SMG6: variants seen among roughly 807,000 people sequenced by gnomAD.
SMG6 encodes telomerase-binding protein EST1A.
In SMG6, 66 loss-of-function variants were observed where a neutral mutation model predicts 142.2. That is an observed-to-expected ratio of 0.46 (90% CI 0.38 to 0.57). The LOEUF is 0.57. Ranked by LOEUF, SMG6 falls within the 20% of genes least tolerant of loss-of-function variation. The pLI is 0.00. For missense variants in SMG6, 1,793 were observed against 1,832.0 expected, an observed-to-expected ratio of 0.98 and a Z score of 0.39; for synonymous variants, 779 against 702.4, an observed-to-expected ratio of 1.11 and a Z score of -1.72.
rs1391078493 is a variant in SMG6, at chr17:2,068,981, T to G, written c.3682-50A>C. ...GCCAGACAGCGAGCAGGCAAGCAGG[T>G]GGGTGAGCCAGGGCCCTGACACTAC... On this transcript the variant is annotated intron_variant, in intron 15 of 18. Transcript: ENST00000263073. The surrounding 1 kb of genome is among the most constrained non-coding windows in gnomAD (Gnocchi z 6.7). 2 of 1,597,208 alleles carry G rather than the reference T, an allele frequency of 1.3e-6. No individual in the cohort carries two copies. The highest frequency in any genetic ancestry group is 1.7e-6 in the Non-Finnish European group (2 of 1,168,762).
At chr17:2,135,831 A>G (rs1159121322) in intron 13 of SMG6, among the ~76,000 whole-genome samples, 1 of 151,852 alleles carries the variant, frequency 6.6e-6, no homozygotes, top group African/African-American at 2.4e-5. Flanking sequence ...CTGGGACTAC[A>G]GGCGCTACCA....
chr17:2,259,327 G>C (rs2074261600), intron 8 of SMG6, among the ~76,000 whole-genome samples: 1 of 152,102 alleles, frequency 6.6e-6, no homozygotes, highest in Non-Finnish European at 1.5e-5. Context: ...AATAGTATCA[G>C]TAAGAAGAGA....
chr17:2,271,762 A>G (rs1257715858), intron 8 of SMG6, among the ~76,000 whole-genome samples: 2 of 152,160 alleles, frequency 1.3e-5, no homozygotes, highest in Admixed American at 6.5e-5. Flanking sequence ...TTTTTAATTA[A>G]AAAGAAAAAA....
intron 10 of SMG6, among the ~76,000 whole-genome samples, chr17:2,219,224 A>C (rs962761187): frequency 1.3e-5 from 2 of 152,012 alleles, no homozygotes; most frequent in African/African-American, 4.8e-5. Context: ...ATCTCTGCTA[A>C]AAATCCAAAA....
At chr17:2,196,157 A>C (rs1044967605) in intron 10 of SMG6, among the ~76,000 whole-genome samples, 1 of 152,214 alleles carries the variant, frequency 6.6e-6, no homozygotes, top group African/African-American at 2.4e-5. Context: ...ATGGTGACTC[A>C]ACGCCTGTAA....
intron 13 of SMG6, among the ~76,000 whole-genome samples, chr17:2,158,901 A>T (rs11652361): frequency 0.15 from 9,805 of 66,456 alleles, 476 homozygotes; most frequent in Admixed American, 0.24. Context: ...GACTATGTTT[A>T]AAAAAAAAAA....
intron 15 of SMG6, among the ~76,000 whole-genome samples, chr17:2,078,952 G>A (rs12449600): frequency 0.65 from 97,159 of 150,246 alleles, 31,391 homozygotes; most frequent in Middle Eastern, 0.7. Flanking sequence ...AAGGTTTGAT[G>A]AAGATAGGTC....
intron 13 of SMG6, among the ~76,000 whole-genome samples, chr17:2,144,683 G>C (rs1383349871): frequency 6.6e-6 from 1 of 152,036 alleles, no homozygotes; most frequent in Non-Finnish European, 1.5e-5. Context: ...GGTTACCCTG[G>C]GACACTGTCA....
intron 2 of SMG6, among the ~76,000 whole-genome samples, chr17:2,298,472 C>A (rs573199617): frequency 6.6e-6 from 1 of 152,280 alleles, no homozygotes; most frequent in East Asian, 1.9e-4. Context: ...GTAATCCCAG[C>A]ACTTTGGGAG....
chr17:2,155,440 C>T (rs2070971641), intron 13 of SMG6, among the ~76,000 whole-genome samples: 1 of 152,120 alleles, frequency 6.6e-6, no homozygotes, highest in Admixed American at 6.5e-5. Context: ...CTCTTCATGT[C>T]ATTAACAATA....
chr17:2,088,839 T>TG lies in SMG6; in HGVS notation c.3358-2939dup, dbSNP rs2068636725. On this transcript the variant is annotated intron_variant, in intron 13 of 18. Transcript: ENST00000263073. Reference sequence around the variant, plus strand: ...TCTGCAAAAGCATTCTGTCTTAACTTGGGGGGAATAAGCCCACTGGGGAGA... The same window carrying TG: ...TCTGCAAAAGCATTCTGTCTTAACTTGGGGGGGAATAAGCCCACTGGGGAGA... 8 of 985,390 alleles carry TG rather than the reference T, an allele frequency of 8.1e-6. No homozygotes were observed. The South Asian group carries it at 3.8e-4, about 46-fold the overall frequency. The allele number at this position is 985,390 out of a possible 1,614,324, so 61.0% of individuals were successfully genotyped here. A position where few individuals can be genotyped will look rare whatever the true frequency, so the allele number is the denominator to read the frequency against.
chr17:2,227,061 A>G (rs1175479101), intron 10 of SMG6, among the ~76,000 whole-genome samples: 1 of 151,122 alleles, frequency 6.6e-6, no homozygotes, highest in African/African-American at 2.5e-5. Flanking sequence ...TAGCTAAAAT[A>G]AAAAGAAATG....
chr17:2,165,837 C>A (rs528215929), intron 13 of SMG6, among the ~76,000 whole-genome samples: 1 of 151,950 alleles, frequency 6.6e-6, no homozygotes, highest in South Asian at 2.1e-4. Flanking sequence ...CCCAGGAGGT[C>A]GAGACTGCAG....
intron 12 of SMG6, among the ~76,000 whole-genome samples, chr17:2,178,161 G>C (rs753143996): frequency 6.6e-6 from 1 of 152,244 alleles, no homozygotes; most frequent in Non-Finnish European, 1.5e-5. Context: ...CGAAGGATTT[G>C]ATTCTGGTAC....
At chr17:2,283,541 G>A (rs2074837213) in intron 7 of SMG6, 84 bp downstream of exon 7, 4 of 1,081,576 alleles carry the variant, frequency 3.7e-6, no homozygotes, top group Middle Eastern at 2.7e-4. Context: ...CTACGATCCT[G>A]CCGGTGCGCA....
intron 13 of SMG6, among the ~76,000 whole-genome samples, chr17:2,098,437 G>A (rs781182969): frequency 1.0e-3 from 152 of 152,188 alleles, no homozygotes; most frequent in Non-Finnish European, 1.7e-3. Context: ...GAAGAAATCC[G>A]ATTATTTACC....
intron 10 of SMG6, among the ~76,000 whole-genome samples, chr17:2,200,740 C>T (rs1021142905): frequency 6.6e-6 from 1 of 152,140 alleles, no homozygotes; most frequent in Non-Finnish European, 1.5e-5. Context: ...GACAGGCTCT[C>T]GCTCTGTTGC....
intron 13 of SMG6, among the ~76,000 whole-genome samples, chr17:2,091,357 G>A (rs1364072557): frequency 1.3e-5 from 2 of 152,230 alleles, no homozygotes; most frequent in Non-Finnish European, 2.9e-5. Flanking sequence ...TCAGTCTGAA[G>A]ACACAGGCAG....
chr17:2,236,613 A>G lies in SMG6; in HGVS notation c.2748T>C (p.Ala916=). Residue 916 remains alanine (A), a synonymous_variant, in exon 10 of 19, where the codon GCT becomes GCC. Transcript: ENST00000263073. ...CCTGGAACTCCTTGAGGACCTTCTCAGCCACTGCAGGGAATGTCTCCATCC... is the reference window on the plus strand; with the variant it reads ...CCTGGAACTCCTTGAGGACCTTCTCGGCCACTGCAGGGAATGTCTCCATCC... ...RIGMETFPAV[A]EKVLKEFQVL... 2 of 1,613,218 alleles carry G rather than the reference A, an allele frequency of 1.2e-6. No homozygotes were observed. The highest frequency in any genetic ancestry group is 1.1e-5 in the South Asian group (1 of 90,922).
Sources: allele counts gnomAD v4.1 joint callset (sites outside exome capture counted in the v4.1 genomes callset), GRCh38; gene constraint gnomAD v4.1.1; non-coding constraint Gnocchi (gnomAD v3.1); transcripts MANE v1.5; gene names NCBI Gene and HGNC (gene_info 2026-07-23, HGNC 2026-07-21).